The following XKR9 variants were observed in gnomAD, a reference collection of about 807,000 sequenced individuals.
XKR9 encodes XK related 9.
A neutral mutation model predicts 32.0 loss-of-function variants in XKR9; 32 were observed. The observed-to-expected ratio is 1.00, with a 90% CI of 0.76 to 1.34. XKR9 has a LOEUF of 1.34. Among genes scored for constraint, XKR9 ranks in the 40% most tolerant of loss-of-function variants. XKR9 has a pLI of 0.00. For missense variants in XKR9, 546 were observed against 429.7 expected (o/e 1.27, Z -2.39); for synonymous variants, 168 against 143.4 (o/e 1.17, Z -1.22).
the XKR9 span, among the ~76,000 whole-genome samples, chr8:71,004,409 C>A: frequency 6.6e-6 from 1 of 152,030 alleles, no homozygotes; most frequent in South Asian, 2.1e-4. Flanking sequence ...ATATGTGAGG[C>A]AGGGTTGGCT....
intron 2 of XKR9, among the ~76,000 whole-genome samples, chr8:70,771,177 A>G (rs1339752348): frequency 6.6e-6 from 1 of 151,864 alleles, no homozygotes; most frequent in African/African-American, 2.4e-5. Context: ...GAGTTCCCTG[A>G]CCCCTTGTGC....
chr8:70,757,303 A>G (rs1586885883), intron 2 of XKR9, among the ~76,000 whole-genome samples: 1 of 151,764 alleles, frequency 6.6e-6, no homozygotes, highest in East Asian at 1.9e-4. Flanking sequence ...TTTTTTCCTC[A>G]TCATCTTTTT....
chr8:71,000,220 T>A, the XKR9 span, among the ~76,000 whole-genome samples: 1 of 152,240 alleles, frequency 6.6e-6, no homozygotes, highest in Non-Finnish European at 1.5e-5. Flanking sequence ...TTAGTGTTAT[T>A]AAATGATTTG....
the XKR9 span, among the ~76,000 whole-genome samples, chr8:71,017,826 CAA>C: frequency 6.6e-6 from 1 of 152,188 alleles, no homozygotes; most frequent in Non-Finnish European, 1.5e-5. Flanking sequence ...GAATCAAACT[CAA>C]GTGGTTAGTC....
At chr8:70,811,099 C>A in the XKR9 span, among the ~76,000 whole-genome samples, 6 of 152,268 alleles carry the variant, frequency 3.9e-5, no homozygotes, top group African/African-American at 1.4e-4. Context: ...TCTCACAGAC[C>A]ATAGTGCAAT....
rs139221898 is a variant in XKR9 at position 70,744,227 on chromosome 8, C to T, written n.352+37074C>T. 3.8e-3 allele frequency among the ~76,000 whole-genome samples: 578 copies of T among 152,064 alleles called. 5 individuals are homozygous for T. Among genetic ancestry groups the T allele is most frequent in the African/African-American group, 0.013 (547 of 41,486 alleles). On this transcript the variant is annotated intron_variant and non_coding_transcript_variant, in intron 2 of 3. Transcript: ENST00000520273. ...TTGGGAGGCTGAGGAAGGAGAATCA[C>T]TCGAACTGGGGAGGCAGAAGCTGCA...
the XKR9 span, among the ~76,000 whole-genome samples, chr8:71,048,358 C>G: frequency 1.3e-5 from 2 of 152,038 alleles, no homozygotes; most frequent in African/African-American, 4.8e-5. Flanking sequence ...TCCCTTAGTC[C>G]TAGAAATGTT....
intron 2 of XKR9, among the ~76,000 whole-genome samples, chr8:70,753,511 C>A (rs1012485951): frequency 1.3e-5 from 2 of 152,298 alleles, no homozygotes; most frequent in Admixed American, 6.5e-5. Context: ...TTGCAAAAGT[C>A]CTCAATAAAA....
At chr8:70,671,173 T>C (rs1213562534) in intron 1 of XKR9, among the ~76,000 whole-genome samples, 1 of 152,232 alleles carries the variant, frequency 6.6e-6, no homozygotes, top group Non-Finnish European at 1.5e-5. Flanking sequence ...CCCAAAGTGC[T>C]AGGATTGCAG....
chr8:70,686,071 G>A (rs562587699), intron 3 of XKR9, among the ~76,000 whole-genome samples: 1 of 151,586 alleles, frequency 6.6e-6, no homozygotes, highest in East Asian at 1.9e-4. Flanking sequence ...CTATTTTAAC[G>A]TTTCTTGCAA....
At chr8:70,874,545 A>G in the XKR9 span, among the ~76,000 whole-genome samples, 1 of 152,200 alleles carries the variant, frequency 6.6e-6, no homozygotes, top group Non-Finnish European at 1.5e-5. Context: ...TGTGACTTGA[A>G]CTGACTCTTC....
downstream of XKR9, among the ~76,000 whole-genome samples, chr8:70,739,185 G>A (rs1053680402): frequency 3.3e-5 from 5 of 152,060 alleles, no homozygotes; most frequent in Non-Finnish European, 7.4e-5. Flanking sequence ...AGGATAGTGA[G>A]CTCTTCTTGT....
chr8:70,858,069 C>T, the XKR9 span, among the ~76,000 whole-genome samples: 1 of 152,052 alleles, frequency 6.6e-6, no homozygotes, highest in African/African-American at 2.4e-5. Context: ...ACAGGGATGC[C>T]CTCTCTCACC....
chr8:70,780,452 ACTTT>A (rs1807599362), intron 2 of XKR9, among the ~76,000 whole-genome samples: 1 of 152,228 alleles, frequency 6.6e-6, no homozygotes, highest in South Asian at 2.1e-4. Flanking sequence ...AGTTCAAAAT[ACTTT>A]CTAAGTTCCT....
At chr8:70,848,859 T>C in the XKR9 span, among the ~76,000 whole-genome samples, 1 of 151,176 alleles carries the variant, frequency 6.6e-6, no homozygotes, top group Non-Finnish European at 1.5e-5. Flanking sequence ...AAGAAGGGCA[T>C]TACATAATGG....
chr8:70,860,440 T>C, the XKR9 span, among the ~76,000 whole-genome samples: 1 of 152,158 alleles, frequency 6.6e-6, no homozygotes, highest in Non-Finnish European at 1.5e-5. Context: ...TCTCCAGAAC[T>C]ATGAGAAATA....
At chr8:71,054,463 T>C in the XKR9 span, among the ~76,000 whole-genome samples, 1 of 152,166 alleles carries the variant, frequency 6.6e-6, no homozygotes, top group Non-Finnish European at 1.5e-5. Flanking sequence ...TGCTCTGAGG[T>C]GATGCCTGTT....
intron 2 of XKR9, among the ~76,000 whole-genome samples, chr8:70,786,008 T>A (rs887916928): frequency 2.0e-5 from 3 of 151,926 alleles, no homozygotes; most frequent in African/African-American, 4.8e-5. Flanking sequence ...AGTTTTAAAT[T>A]TCCCTTTTAA....
the XKR9 span, among the ~76,000 whole-genome samples, chr8:71,006,185 G>A: frequency 6.6e-6 from 1 of 152,246 alleles, no homozygotes; most frequent in African/African-American, 2.4e-5. Flanking sequence ...AGTGGACATT[G>A]ACATTATGAG....
Sources: allele counts gnomAD v4.1 joint callset (sites outside exome capture counted in the v4.1 genomes callset), GRCh38; gene constraint gnomAD v4.1.1; transcripts MANE v1.5; gene names NCBI Gene and HGNC (gene_info 2026-07-23, HGNC 2026-07-21).